SERHL2: variants seen among roughly 807,000 people sequenced by gnomAD.
SERHL2 encodes serine hydrolase like 2.
Under a neutral mutation model 25.5 loss-of-function variants are expected in SERHL2, and 29 were observed. The observed-to-expected ratio is 1.14, with a 90% CI of 0.85 to 1.55. SERHL2 has a LOEUF of 1.55. Ranked by LOEUF, SERHL2 falls within the 40% of genes most tolerant of loss-of-function variation. The pLI, the probability that SERHL2 is intolerant of heterozygous loss-of-function variation, is 0.00. For synonymous variants in SERHL2, 95 were observed against 103.5 expected, an observed-to-expected ratio of 0.92 and a Z score of 0.50; for missense variants, 240 against 252.3, an observed-to-expected ratio of 0.95 and a Z score of 0.33.
At chr22:42,569,293 C>G (rs1361714409) in intron 9 of SERHL2, 2 of 151,818 alleles carry the variant, frequency 1.3e-5, no homozygotes, top group Admixed American at 1.3e-4. Context: ...AAGTCTTACT[C>G]TGTCATCCAG....
chr22:42,566,180 CG>C, intron 8 of SERHL2, 123 bp from the exon 9 acceptor site: 1 of 919,740 alleles, frequency 1.1e-6, no homozygotes, highest in Non-Finnish European at 1.7e-6. Flanking sequence ...CTGAGGACGT[CG>C]GGGGCAGGTG....
chr22:42,559,804 TTTG>T (rs146339025), intron 7 of SERHL2, among the ~76,000 whole-genome samples: 2,048 of 151,934 alleles, frequency 0.013, 43 homozygotes, highest in African/African-American at 0.046. Context: ...TCTCCATTTT[TTTG>T]TTGTTGTTGT....
At chr22:42,562,348 C>G (rs6002794) in intron 8 of SERHL2, among the ~76,000 whole-genome samples, 3,795 of 151,928 alleles carry the variant, frequency 0.025, 164 homozygotes, top group African/African-American at 0.087. Context: ...CTTAAACAAC[C>G]AAGACACATT....
intron 5 of SERHL2, 186 bp from the exon 6 acceptor site, chr22:42,556,328 T>G: frequency 1.9e-6 from 1 of 522,598 alleles, no homozygotes; most frequent in East Asian, 3.7e-5. Context: ...AGCTCAGTGC[T>G]GGGTGCAGAC....
intron 8 of SERHL2, chr22:42,565,213 G>A (rs975346443): frequency 6.5e-6 from 1 of 153,050 alleles, no homozygotes; most frequent in Admixed American, 6.5e-5. Flanking sequence ...AGTTTCGGGA[G>A]GGACGCACAT....
chr22:42,574,114 T>G lies in SERHL2; in HGVS notation c.*59T>G. The G allele has an allele frequency of 6.6e-7, 1 of 1,503,996 alleles. No homozygotes were observed. The highest frequency in any genetic ancestry group is 1.2e-5 in the South Asian group (1 of 86,482). The allele number at this position is 1,503,996 out of a possible 1,614,324, so 93.2% of individuals were successfully genotyped here. A position where few individuals can be genotyped will look rare whatever the true frequency, so the allele number is the denominator to read the frequency against. ...CCAGACTCAACACTGGGACTCTGAG[T>G]TCCTGAGCCCCACAACAAGGCCAGG... On this transcript the variant is annotated 3_prime_UTR_variant, in exon 12 of 12. Coordinates refer to ENST00000327678, the MANE Select transcript of SERHL2 (RefSeq NM_014509.5).
At chr22:42,571,257 G>A (rs1321284643) in intron 10 of SERHL2, 54 bp downstream of exon 10, 1 of 1,606,976 alleles carries the variant, frequency 6.2e-7, no homozygotes, top group Admixed American at 1.7e-5. Context: ...TGGGCGCCAG[G>A]AATCTCCGGG....
chr22:42,556,128 G>A, intron 5 of SERHL2, 45 bp downstream of exon 5: 1 of 529,082 alleles, frequency 1.9e-6, no homozygotes, highest in South Asian at 2.3e-5. Context: ...CCCTTGGGTG[G>A]AGTGGGGAGG....
chr22:42,566,471 T>TC, intron 9 of SERHL2, 133 bp downstream of exon 9: 1 of 807,190 alleles, frequency 1.2e-6, no homozygotes, highest in South Asian at 1.5e-5. Flanking sequence ...GGCAGGACAA[T>TC]CGCTTGAATG....
chr22:42,554,489 T>G (rs1921990794), intron 1 of SERHL2, among the ~76,000 whole-genome samples: 1 of 152,160 alleles, frequency 6.6e-6, no homozygotes, highest in Admixed American at 6.5e-5. Flanking sequence ...TCCCACCTGC[T>G]GCGTGTATGA....
At chr22:42,567,966 G>C (rs1923637433) in intron 9 of SERHL2, among the ~76,000 whole-genome samples, 2 of 151,596 alleles carry the variant, frequency 1.3e-5, no homozygotes, top group African/African-American at 4.8e-5. Context: ...CTGACCTCAG[G>C]TGATCTGCCT....
In SERHL2 at chr22:42,573,918, A is replaced by G. The variant is rs780357957; in HGVS notation, c.826-18A>G. The G allele has an allele frequency of 3.2e-6, 3 of 950,228 alleles. No individual in the cohort carries two copies. The highest frequency in any genetic ancestry group is 3.0e-6 in the Non-Finnish European group (2 of 667,014). The allele number at this position is 950,228 out of a possible 1,614,324, so 58.9% of individuals were successfully genotyped here. ...CTCCTCTGGCCACACCTCACCACCC[A>G]CCCCCTCCCCTCTCCAGCAGTTCCA... On this transcript the variant is annotated intron_variant, in intron 11 of 11. Transcript: ENST00000327678.
rs577789787 is a variant in SERHL2 at position 42,570,187 on chromosome 22, C to G, written c.649-934C>G. ...CTGTAATCCCAGAACTTTGGGAGTC[C>G]GAGGCAGACAGATCACCTGAGGTCA... On this transcript the variant is annotated intron_variant, in intron 9 of 11. Coordinates refer to ENST00000327678, the MANE Select transcript of SERHL2 (RefSeq NM_014509.5). Among the ~76,000 whole-genome samples the G allele has an allele frequency of 3.2e-4, 48 of 152,032 alleles. No homozygotes were observed. The South Asian group carries it at 7.1e-3, about 22-fold the overall frequency.
chr22:42,554,235 T>A (rs1295505668), intron 1 of SERHL2, among the ~76,000 whole-genome samples, 193 bp downstream of exon 1: 3 of 152,070 alleles, frequency 2.0e-5, no homozygotes, highest in Non-Finnish European at 4.4e-5. Flanking sequence ...CGGCCGCACG[T>A]GGCCTCCCAG....
chr22:42,568,181 A>G (rs930828524), intron 9 of SERHL2, among the ~76,000 whole-genome samples: 1 of 137,338 alleles, frequency 7.3e-6, no homozygotes, highest in Non-Finnish European at 1.6e-5. Flanking sequence ...GCGCTACCAC[A>G]CCCAGCTAAA....
intron 9 of SERHL2, among the ~76,000 whole-genome samples, chr22:42,568,651 T>C (rs1369417665): frequency 3.3e-5 from 5 of 151,920 alleles, no homozygotes; most frequent in African/African-American, 4.8e-5. Context: ...AAATTCTCTT[T>C]TATTTTTTAA....
intron 10 of SERHL2, 142 bp downstream of exon 10, chr22:42,571,345 C>A: frequency 2.7e-5 from 40 of 1,486,778 alleles, no homozygotes; most frequent in Non-Finnish European, 3.4e-5. Context: ...TTTGGGAAGC[C>A]CCCCTGGCAG....
At chr22:42,572,071 T>C (rs774184145) in intron 10 of SERHL2, among the ~76,000 whole-genome samples, 1 of 152,010 alleles carries the variant, frequency 6.6e-6, no homozygotes, top group African/African-American at 2.4e-5. Context: ...AACCACAGAA[T>C]TGTAGACTAT....
At chr22:42,563,337 G>A in intron 8 of SERHL2, 2 of 335,356 alleles carry the variant, frequency 6.0e-6, no homozygotes, top group Non-Finnish European at 1.2e-5. Context: ...TTGAGTAGCT[G>A]GGACCACAAG....
Sources: gnomAD v4.1 joint callset for allele counts (sites outside exome capture counted in the v4.1 genomes callset) on GRCh38, gnomAD v4.1.1 for gene constraint, MANE v1.5 for transcripts, NCBI Gene and HGNC (gene_info 2026-07-23, HGNC 2026-07-21) for gene names.